The following ARHGAP42 variants were observed in gnomAD, a reference collection of about 807,000 sequenced individuals.
ARHGAP42 encodes rho GTPase-activating protein 42.
Under a neutral mutation model 125.0 loss-of-function variants are expected in ARHGAP42, and 63 were observed. The ratio of observed to expected loss-of-function variants is 0.50; its 90% confidence interval spans 0.41 to 0.62. The LOEUF is 0.62. Among genes scored for constraint, ARHGAP42 ranks in the 20% least tolerant of loss-of-function variants. ARHGAP42 has a pLI of 0.00. For synonymous variants in ARHGAP42, 339 were observed against 351.0 expected (o/e 0.97, Z 0.38); for missense variants, 766 against 1,024.2 (o/e 0.75, Z 3.44).
chr11:100,689,633 G>A (rs547449104), intron 1 of ARHGAP42, among the ~76,000 whole-genome samples: 1 of 152,254 alleles, frequency 6.6e-6, no homozygotes, highest in South Asian at 2.1e-4. Context: ...TCTTGGGAGC[G>A]TAGGCTCTTT....
intron 2 of ARHGAP42, among the ~76,000 whole-genome samples, chr11:100,771,550 A>C (rs1862979281): frequency 6.6e-6 from 1 of 152,184 alleles, no homozygotes; most frequent in African/African-American, 2.4e-5. Context: ...ACAAACACTT[A>C]AGAACAGTGA....
chr11:100,956,341 A>T (rs1321185589), intron 12 of ARHGAP42, among the ~76,000 whole-genome samples: 1 of 152,134 alleles, frequency 6.6e-6, no homozygotes, highest in East Asian at 1.9e-4. Context: ...TGATGACAAT[A>T]TAGGTTCATT....
At chr11:100,733,810 G>C (rs1862003172) in intron 1 of ARHGAP42, among the ~76,000 whole-genome samples, 1 of 94,104 alleles carries the variant, frequency 1.1e-5, no homozygotes, top group Non-Finnish European at 1.9e-5. Context: ...GGGCAACAGA[G>C]CAAGATTCTG....
chr11:100,827,230 T>A (rs1565230949), intron 3 of ARHGAP42, among the ~76,000 whole-genome samples: 2 of 152,148 alleles, frequency 1.3e-5, no homozygotes, highest in African/African-American at 4.8e-5. Flanking sequence ...CTCAAACTCC[T>A]GACCTCAAGT....
chr11:100,874,018 C>A (rs989816251), intron 4 of ARHGAP42, among the ~76,000 whole-genome samples: 5 of 152,186 alleles, frequency 3.3e-5, no homozygotes, highest in Non-Finnish European at 7.3e-5. Flanking sequence ...TTGTCTTTGT[C>A]TTGTGTTGCA....
intron 1 of ARHGAP42, among the ~76,000 whole-genome samples, chr11:100,710,500 G>A (rs1378263754): frequency 6.8e-6 from 1 of 147,934 alleles, no homozygotes. Flanking sequence ...CTCCCAAAGT[G>A]CTGGATTACA....
intron 2 of ARHGAP42, among the ~76,000 whole-genome samples, chr11:100,791,651 C>A (rs964622344): frequency 6.7e-6 from 1 of 148,566 alleles, no homozygotes; most frequent in South Asian, 2.1e-4. Context: ...GACACCCAGT[C>A]GTAATTTTTT....
At chr11:100,843,077 A>T (rs1256489727) in intron 3 of ARHGAP42, among the ~76,000 whole-genome samples, 1 of 152,156 alleles carries the variant, frequency 6.6e-6, no homozygotes, top group Non-Finnish European at 1.5e-5. Context: ...AGCAAGATTA[A>T]CCAAGAAAAG....
At chr11:100,936,458 C>A in intron 8 of ARHGAP42, 126 bp downstream of exon 8, 1 of 1,283,214 alleles carries the variant, frequency 7.8e-7, no homozygotes. Flanking sequence ...ATCTACTTTC[C>A]CCCCACCACA....
At chr11:100,728,820 A>ATGCAG (rs1001183069) in intron 1 of ARHGAP42, among the ~76,000 whole-genome samples, 7 of 146,734 alleles carry the variant, frequency 4.8e-5, no homozygotes, top group Non-Finnish European at 8.9e-5. Flanking sequence ...CCAGGCTGGA[A>ATGCAG]TGCAGTGGCG....
rs542878949 is a variant in ARHGAP42 at position 100,964,017 on chromosome 11, A to G, written c.1444+1550A>G. ...TTATATTATTATAATAATATTCATG[A>G]CTATGATATTTAAAATATCTTATAT... On this transcript the variant is annotated intron_variant, in intron 16 of 23. Coordinates refer to ENST00000298815, the MANE Select transcript of ARHGAP42 (RefSeq NM_152432.4). Among the ~76,000 whole-genome samples, 24 of 151,896 alleles carry G rather than the reference A, an allele frequency of 1.6e-4. No individual in the cohort carries two copies. The South Asian group carries it at 5.0e-3, about 32-fold the overall frequency.
At chr11:100,969,170 T>C (rs1331243985) in intron 17 of ARHGAP42, among the ~76,000 whole-genome samples, 1 of 152,178 alleles carries the variant, frequency 6.6e-6, no homozygotes, top group Admixed American at 6.5e-5. Context: ...CTTTAAGCAT[T>C]TTGAATATGC....
chr11:100,921,223 ATATATATATATATATATATATATTT>A (rs1304794371), intron 5 of ARHGAP42, among the ~76,000 whole-genome samples: 1 of 68,476 alleles, frequency 1.5e-5, no homozygotes, highest in African/African-American at 5.9e-5. Flanking sequence ...ACATATATAT[ATATATATATATATATATATATATTT>A]TTTTTTTTTT....
intron 23 of ARHGAP42, among the ~76,000 whole-genome samples, 158 bp downstream of exon 23, chr11:100,987,750 G>A (rs1245286553): frequency 6.6e-6 from 1 of 151,818 alleles, no homozygotes; most frequent in East Asian, 1.9e-4. Context: ...AATCCCTCTG[G>A]GTGGCATGCA....
At chr11:100,731,961 C>CT (rs71303301) in intron 1 of ARHGAP42, among the ~76,000 whole-genome samples, 2,583 of 144,300 alleles carry the variant, frequency 0.018, 31 homozygotes, top group Middle Eastern at 0.047. Flanking sequence ...TTTTCTTTTT[C>CT]TTTTTTTTTT....
Position 100,795,114 on chromosome 11 carries a change from T to C in ARHGAP42, c.260T>C (p.Leu87Pro). The change falls in exon 3 of 24, where the codon CTA (leucine) becomes CCA (proline). Residue 87 changes from leucine (L) to proline (P), a missense_variant. Leu to Pro is a moderately conservative substitution (Grantham distance 98). Coordinates refer to ENST00000298815, the MANE Select transcript of ARHGAP42 (RefSeq NM_152432.4). ...TTATCTTTCCAAACAGCTCAGTCAC[T>C]AAAAGAATTTGCAAGACTACTCATT... ...TDDEISIAQS[L>P]KEFARLLIAV... 1 of 1,546,706 alleles carries C rather than the reference T, an allele frequency of 6.5e-7. No individual in the cohort carries two copies. The highest frequency in any genetic ancestry group is 8.7e-7 in the Non-Finnish European group (1 of 1,144,950).
chr11:100,916,351 A>ATTTT (rs1867064504), intron 5 of ARHGAP42, among the ~76,000 whole-genome samples: 2 of 152,232 alleles, frequency 1.3e-5, no homozygotes, highest in African/African-American at 4.8e-5. Flanking sequence ...ACCATTAGGG[A>ATTTT]ATTTAAACAA....
chr11:100,891,971 A>G lies in ARHGAP42; in HGVS notation c.385-21481A>G, dbSNP rs186990681. On this transcript the variant is annotated intron_variant, in intron 4 of 23. Transcript: ENST00000298815. Reference sequence around the variant, plus strand: ...GGCTGTCTAAGCAAAGAGCATAGGCATAGTAGGCAAAAGATTGTAATGGTA... The same window carrying G: ...GGCTGTCTAAGCAAAGAGCATAGGCGTAGTAGGCAAAAGATTGTAATGGTA... Among the ~76,000 whole-genome samples the G allele has an allele frequency of 1.7e-3, 265 of 152,338 alleles. 1 individual carries two copies. The highest frequency in any genetic ancestry group is 6.0e-3 in the African/African-American group (250 of 41,584).
chr11:100,958,939 A>T (rs1055451078), intron 12 of ARHGAP42, among the ~76,000 whole-genome samples: 1 of 149,670 alleles, frequency 6.7e-6, no homozygotes, highest in South Asian at 2.1e-4. Flanking sequence ...AATTTTTTTG[A>T]TATATATTTT....
Sources: allele counts gnomAD v4.1 joint callset (sites outside exome capture counted in the v4.1 genomes callset), GRCh38; gene constraint gnomAD v4.1.1; transcripts MANE v1.5; gene names NCBI Gene and HGNC (gene_info 2026-07-23, HGNC 2026-07-21).